The following KCNH8 variants were observed in gnomAD, a reference collection of about 807,000 sequenced individuals.
KCNH8 encodes voltage-gated delayed rectifier potassium channel KCNH8.
In KCNH8, 70 loss-of-function variants were observed where a neutral mutation model predicts 103.6. The observed-to-expected ratio is 0.68, with a 90% CI of 0.56 to 0.82. The LOEUF (loss-of-function observed/expected upper bound fraction) is 0.82. Among genes scored for constraint, KCNH8 ranks in the 40% least tolerant of loss-of-function variants. The pLI, the probability that KCNH8 is intolerant of heterozygous loss-of-function variation, is 0.00. For synonymous variants in KCNH8, 498 were observed against 489.4 expected (o/e 1.02, Z -0.23); for missense variants, 1,217 against 1,329.9 (o/e 0.92, Z 1.32).
chr3:19,534,035 A>C lies in KCNH8; in HGVS notation c.3260A>C (p.Asn1087Thr), dbSNP rs1575184304. The change falls in exon 16 of 16, where the codon AAC becomes ACC. Residue 1087 changes from asparagine (N) to threonine (T), a missense_variant. Coordinates refer to ENST00000328405, the MANE Select transcript of KCNH8 (RefSeq NM_144633.3). ...MASASTKPLENLPLEVVTSTA... is the reference protein window; with the variant it reads ...MASASTKPLETLPLEVVTSTA... ...TCAGCTTCTACAAAACCTTTGGAGA[A>C]CCTTCCACTGGAAGTTGTCACAAGC... The C allele has an allele frequency of 6.2e-7, 1 of 1,614,148 alleles. No individual in the cohort carries two copies. The highest frequency in any genetic ancestry group is 8.5e-7 in the Non-Finnish European group (1 of 1,180,012).
At chr3:19,182,814 A>G (rs2063468163) in intron 1 of KCNH8, among the ~76,000 whole-genome samples, 1 of 152,252 alleles carries the variant, frequency 6.6e-6, no homozygotes, top group South Asian at 2.1e-4. Context: ...TAACAAGAAC[A>G]GAATGGTCGG....
intron 3 of KCNH8, among the ~76,000 whole-genome samples, chr3:19,315,085 G>A (rs1414900137): frequency 6.6e-6 from 1 of 151,926 alleles, no homozygotes; most frequent in African/African-American, 2.4e-5. Flanking sequence ...GGTCTGGAGG[G>A]GAAAGAGGTA....
chr3:19,435,222 C>T (rs1189883069), intron 7 of KCNH8, among the ~76,000 whole-genome samples: 1 of 151,954 alleles, frequency 6.6e-6, no homozygotes, highest in Non-Finnish European at 1.5e-5. Flanking sequence ...TCAAAATATG[C>T]CCAAAAGACC....
intron 8 of KCNH8, among the ~76,000 whole-genome samples, chr3:19,442,476 A>G (rs575914418): frequency 1.3e-5 from 2 of 152,288 alleles, no homozygotes; most frequent in South Asian, 2.1e-4. Context: ...TTAATGCACA[A>G]ACTATTCCCT....
intron 6 of KCNH8, among the ~76,000 whole-genome samples, chr3:19,393,512 A>G (rs541297095): frequency 6.6e-6 from 1 of 152,136 alleles, no homozygotes; most frequent in East Asian, 1.9e-4. Flanking sequence ...ATGTGTGCAG[A>G]TGCCCTCCTC....
At chr3:19,295,728 G>A (rs897257896) in intron 3 of KCNH8, among the ~76,000 whole-genome samples, 9 of 152,300 alleles carry the variant, frequency 5.9e-5, no homozygotes, top group Admixed American at 3.9e-4. Flanking sequence ...AGTGGGTGGT[G>A]TGGCTAGTGT....
intron 3 of KCNH8, among the ~76,000 whole-genome samples, chr3:19,318,636 G>T (rs1212545250): frequency 7.5e-6 from 1 of 133,172 alleles, no homozygotes. Flanking sequence ...AGTATTACAT[G>T]GTAAGTGTGT....
chr3:19,180,393 T>C (rs1016343906), intron 1 of KCNH8, among the ~76,000 whole-genome samples: 1 of 152,118 alleles, frequency 6.6e-6, no homozygotes, highest in Non-Finnish European at 1.5e-5. Flanking sequence ...TGAAAGCTAC[T>C]ATTGAACTGC....
At chr3:19,263,977 A>T (rs995384290) in intron 2 of KCNH8, among the ~76,000 whole-genome samples, 1 of 152,070 alleles carries the variant, frequency 6.6e-6, no homozygotes, top group African/African-American at 2.4e-5. Flanking sequence ...ATGTTGGGTC[A>T]GATTATTGTG....
chr3:19,290,938 T>G (rs1024475701), intron 3 of KCNH8, among the ~76,000 whole-genome samples: 1 of 152,330 alleles, frequency 6.6e-6, no homozygotes, highest in East Asian at 1.9e-4. Context: ...ATTGGTCTAT[T>G]CAGAGATTCA....
intron 5 of KCNH8, among the ~76,000 whole-genome samples, chr3:19,349,704 A>T (rs1332750251): frequency 6.6e-6 from 1 of 152,092 alleles, no homozygotes; most frequent in Non-Finnish European, 1.5e-5. Context: ...ATAAAAACTC[A>T]TACCTTTGAC....
Position 19,481,360 on chromosome 3 carries a change from CTTTT to C in KCNH8, c.2040+24380_2040+24383del, listed in dbSNP as rs150424217. 6.3e-3 allele frequency among the ~76,000 whole-genome samples: 964 copies of C among 152,044 alleles called. 10 individuals carry two copies. The highest frequency in any genetic ancestry group is 0.022 in the African/African-American group (893 of 41,482). ...TTCTCTCTTTTGTCTAATTTACTTC[CTTTT>C]TGTTTCTCCAACCTCCAAAAGTCTA... On this transcript the variant is annotated intron_variant, in intron 11 of 15. Coordinates refer to ENST00000328405, the MANE Select transcript of KCNH8 (RefSeq NM_144633.3).
chr3:19,342,184 T>G (rs2065669274), intron 3 of KCNH8, among the ~76,000 whole-genome samples: 1 of 152,106 alleles, frequency 6.6e-6, no homozygotes, highest in Non-Finnish European at 1.5e-5. Context: ...AAACTTACAT[T>G]TATGCAGAGA....
intron 10 of KCNH8, among the ~76,000 whole-genome samples, chr3:19,454,504 T>C (rs2125186969): frequency 6.6e-6 from 1 of 152,184 alleles, no homozygotes; most frequent in African/African-American, 2.4e-5. Context: ...ACAGACATAA[T>C]GTGTATTTTT....
chr3:19,284,749 G>A (rs577219787), intron 3 of KCNH8, among the ~76,000 whole-genome samples: 14 of 151,822 alleles, frequency 9.2e-5, no homozygotes, highest in Admixed American at 4.6e-4. Flanking sequence ...TATATCTTTC[G>A]GTATCAGTTA....
chr3:19,453,900 C>T (rs1173194333), intron 10 of KCNH8, among the ~76,000 whole-genome samples: 1 of 152,084 alleles, frequency 6.6e-6, no homozygotes, highest in Non-Finnish European at 1.5e-5. Flanking sequence ...GAGATAGACA[C>T]TAGTGAATGA....
At chr3:19,471,670 G>A (rs772860987) in intron 11 of KCNH8, among the ~76,000 whole-genome samples, 1 of 152,134 alleles carries the variant, frequency 6.6e-6, no homozygotes, top group Non-Finnish European at 1.5e-5. Flanking sequence ...GGATGAAAGA[G>A]GAAAGAAAAA....
intron 11 of KCNH8, among the ~76,000 whole-genome samples, chr3:19,490,924 C>A (rs12494090): frequency 0.014 from 2,149 of 152,148 alleles, 21 homozygotes; most frequent in Middle Eastern, 0.068. Context: ...TGTTCTTTGA[C>A]AAGTAGAGAA....
At position 19,491,740 on chromosome 3, in the gene KCNH8, G is replaced by A. The variant is rs377310084; in HGVS notation, c.2041-18623G>A. ...TTGCTGGGTCAAATAATAGTTCTTC[G>A]TTTTTTGCGAAATCTCCAAACTGCT... On this transcript the variant is annotated intron_variant, in intron 11 of 15. Coordinates refer to ENST00000328405, the MANE Select transcript of KCNH8 (RefSeq NM_144633.3). Among the ~76,000 whole-genome samples the A allele has an allele frequency of 3.1e-4, 47 of 152,220 alleles. No homozygotes were observed. The South Asian group carries it at 9.3e-3, about 30-fold the overall frequency.
Sources: allele counts gnomAD v4.1 joint callset (sites outside exome capture counted in the v4.1 genomes callset), GRCh38; gene constraint gnomAD v4.1.1; transcripts MANE v1.5; gene names NCBI Gene and HGNC (gene_info 2026-07-23, HGNC 2026-07-21).